The following GPR39 variants were observed in gnomAD, a reference collection of about 807,000 sequenced individuals.
GPR39 encodes G protein-coupled receptor 39, also known as zinc sensing receptor.
A neutral mutation model predicts 18.4 loss-of-function variants in GPR39; 23 were observed. The ratio of observed to expected loss-of-function variants is 1.25; its 90% confidence interval spans 0.90 to 1.77. The LOEUF is 1.77. GPR39 is among the 40% of genes most tolerant of loss of function. The pLI is 0.00. For synonymous variants in GPR39, 280 were observed against 257.9 expected (o/e 1.09, Z -0.82); for missense variants, 647 against 602.4 (o/e 1.07, Z -0.78).
chr2:132,466,990 G>T (rs1337263211), intron 1 of GPR39, among the ~76,000 whole-genome samples: 1 of 152,112 alleles, frequency 6.6e-6, no homozygotes, highest in Non-Finnish European at 1.5e-5. Context: ...CATTTTTAAA[G>T]TACCTGCCAA....
chr2:132,586,095 C>T (rs200269835), intron 1 of GPR39, among the ~76,000 whole-genome samples: 2 of 151,848 alleles, frequency 1.3e-5, no homozygotes, highest in East Asian at 3.9e-4. Flanking sequence ...GAGAGCAAAT[C>T]AGCTTGGGCT....
At chr2:132,521,936 G>C (rs1276931708) in intron 1 of GPR39, among the ~76,000 whole-genome samples, 2 of 152,196 alleles carry the variant, frequency 1.3e-5, no homozygotes, top group East Asian at 3.8e-4. Context: ...ACATTAAAGA[G>C]CTGCTTAAAT....
intron 1 of GPR39, among the ~76,000 whole-genome samples, chr2:132,540,251 CT>C (rs11325566): frequency 0.24 from 35,699 of 151,840 alleles, 4,534 homozygotes; most frequent in African/African-American, 0.33. Context: ...CCTGCACAAG[CT>C]TGACAGCAGG....
chr2:132,492,801 CCAT>C (rs1681517055), intron 1 of GPR39, among the ~76,000 whole-genome samples: 1 of 67,658 alleles, frequency 1.5e-5, no homozygotes, highest in Non-Finnish European at 3.2e-5. Flanking sequence ...ACCATATATA[CCAT>C]ATATATACAT....
chr2:132,463,941 A>G (rs112664482), intron 1 of GPR39, among the ~76,000 whole-genome samples: 1,964 of 152,252 alleles, frequency 0.013, 46 homozygotes, highest in African/African-American at 0.044. Context: ...AGGAGGCCAG[A>G]CCAACTTCCT....
intron 1 of GPR39, among the ~76,000 whole-genome samples, chr2:132,472,635 C>G (rs117119226): frequency 1.3e-5 from 2 of 152,280 alleles, no homozygotes; most frequent in East Asian, 3.9e-4. Flanking sequence ...GGTGTTGGTA[C>G]TACAGAGGTA....
intron 1 of GPR39, among the ~76,000 whole-genome samples, chr2:132,518,464 G>T (rs1419954128): frequency 1.3e-5 from 2 of 152,176 alleles, no homozygotes; most frequent in African/African-American, 2.4e-5. Flanking sequence ...AGTAATGTGT[G>T]TTTGAGGTCT....
intron 1 of GPR39, among the ~76,000 whole-genome samples, chr2:132,448,415 G>A (rs1168998802): frequency 6.6e-6 from 1 of 152,176 alleles, no homozygotes; most frequent in Non-Finnish European, 1.5e-5. Flanking sequence ...TTTTCACTTA[G>A]GCACATGCAG....
At chr2:132,493,471 CATAT>C (rs757460397) in intron 1 of GPR39, among the ~76,000 whole-genome samples, 18 of 129,218 alleles carry the variant, frequency 1.4e-4, no homozygotes, top group African/African-American at 5.9e-4. Context: ...ATATATACAC[CATAT>C]ATATATATAC....
At chr2:132,502,819 C>T (rs992238683) in intron 1 of GPR39, among the ~76,000 whole-genome samples, 2 of 152,142 alleles carry the variant, frequency 1.3e-5, no homozygotes, top group Non-Finnish European at 2.9e-5. Flanking sequence ...GCCTTGTCTT[C>T]GAGCTCTGAA....
intron 1 of GPR39, among the ~76,000 whole-genome samples, chr2:132,639,301 G>A (rs905269725): frequency 4.6e-5 from 7 of 152,112 alleles, no homozygotes; most frequent in Non-Finnish European, 1.0e-4. Context: ...AGGTGGAGAT[G>A]TCTAACCCTT....
intron 1 of GPR39, among the ~76,000 whole-genome samples, chr2:132,625,645 A>T (rs1681529529): frequency 6.6e-6 from 1 of 152,150 alleles, no homozygotes; most frequent in Non-Finnish European, 1.5e-5. Context: ...TTCTCTTCCT[A>T]CATCTTTTTG....
At chr2:132,492,521 TATAC>T (rs1420786478) in intron 1 of GPR39, among the ~76,000 whole-genome samples, 2 of 122,382 alleles carry the variant, frequency 1.6e-5, no homozygotes, top group African/African-American at 2.8e-5. Flanking sequence ...ATACCATATA[TATAC>T]ACCATATATA....
chr2:132,570,168 T>C (rs1447444679), intron 1 of GPR39, among the ~76,000 whole-genome samples: 2 of 152,134 alleles, frequency 1.3e-5, no homozygotes, highest in Non-Finnish European at 2.9e-5. Context: ...TCTTCCCCAG[T>C]GTCTACAGTC....
intron 1 of GPR39, among the ~76,000 whole-genome samples, chr2:132,586,464 C>CCAT (rs1680734471): frequency 6.6e-6 from 1 of 152,180 alleles, no homozygotes; most frequent in South Asian, 2.1e-4. Context: ...ATTTGCTGTA[C>CCAT]CATCTGTTGT....
At chr2:132,433,587 A>G (rs1416805615) in intron 1 of GPR39, 1 of 151,814 alleles carries the variant, frequency 6.6e-6, no homozygotes, top group East Asian at 2.0e-4. Context: ...ATATCACAAG[A>G]AAAAGCTGAA....
chr2:132,637,833 C>T (rs1000529162), intron 1 of GPR39, among the ~76,000 whole-genome samples: 6 of 152,152 alleles, frequency 3.9e-5, no homozygotes, highest in Admixed American at 1.3e-4. Flanking sequence ...CGGAGATTGC[C>T]CTCTCTGCCA....
At chr2:132,567,589 A>C (rs544614952) in intron 1 of GPR39, among the ~76,000 whole-genome samples, 1 of 152,164 alleles carries the variant, frequency 6.6e-6, no homozygotes, top group African/African-American at 2.4e-5. Flanking sequence ...GTAAGAAAGA[A>C]ATTTCTTTTC....
At chr2:132,491,424 A>G (rs1180260608) in intron 1 of GPR39, among the ~76,000 whole-genome samples, 4 of 152,068 alleles carry the variant, frequency 2.6e-5, no homozygotes, top group Non-Finnish European at 5.9e-5. Flanking sequence ...TCATTTGCCT[A>G]CTTATTCAAA....
Sources: allele counts gnomAD v4.1 joint callset (sites outside exome capture counted in the v4.1 genomes callset), GRCh38; gene constraint gnomAD v4.1.1; transcripts MANE v1.5; gene names NCBI Gene and HGNC (gene_info 2026-07-23, HGNC 2026-07-21).